RAB28: variants seen among roughly 807,000 people sequenced by gnomAD.
RAB28 encodes ras-related protein Rab-28.
Under a neutral mutation model 31.7 loss-of-function variants are expected in RAB28, and 24 were observed. That is an observed-to-expected ratio of 0.76 (90% CI 0.55 to 1.06). The LOEUF (loss-of-function observed/expected upper bound fraction) is 1.06. Ranked by LOEUF, RAB28 falls within the 50% of genes least tolerant of loss-of-function variation. The pLI is 0.00. For missense variants in RAB28, 254 were observed against 258.5 expected, an observed-to-expected ratio of 0.98 and a Z score of 0.12; for synonymous variants, 100 against 90.4, an observed-to-expected ratio of 1.11 and a Z score of -0.60.
At chr4:13,429,594 T>C (rs1372345856) in intron 4 of RAB28, among the ~76,000 whole-genome samples, 1 of 152,212 alleles carries the variant, frequency 6.6e-6, no homozygotes, top group Non-Finnish European at 1.5e-5. Flanking sequence ...GCAAATTTTA[T>C]ACTTCAAAAG....
intron 4 of RAB28, among the ~76,000 whole-genome samples, chr4:13,408,022 T>G (rs1438212870): frequency 6.6e-6 from 1 of 152,206 alleles, no homozygotes; most frequent in Non-Finnish European, 1.5e-5. Flanking sequence ...CTTGCCTGAT[T>G]GCCCTGGCCA....
chr4:13,398,510 G>A (rs1366693559), intron 4 of RAB28, among the ~76,000 whole-genome samples: 1 of 152,172 alleles, frequency 6.6e-6, no homozygotes, highest in African/African-American at 2.4e-5. Context: ...CGGGCGCGGT[G>A]GCTCACGCCT....
intron 4 of RAB28, among the ~76,000 whole-genome samples, chr4:13,450,445 T>C (rs561726692): frequency 2.0e-5 from 3 of 152,062 alleles, no homozygotes; most frequent in African/African-American, 7.2e-5. Flanking sequence ...GGATTCCCTA[T>C]ATCTACATAT....
At chr4:13,395,295 A>G (rs1357754624) in intron 4 of RAB28, among the ~76,000 whole-genome samples, 2 of 152,138 alleles carry the variant, frequency 1.3e-5, no homozygotes, top group Non-Finnish European at 2.9e-5. Flanking sequence ...ACAGAACATG[A>G]TATGCTTTGC....
At chr4:13,433,936 A>G (rs1376013423) in intron 4 of RAB28, among the ~76,000 whole-genome samples, 1 of 152,202 alleles carries the variant, frequency 6.6e-6, no homozygotes, top group Non-Finnish European at 1.5e-5. Flanking sequence ...GGTGGACTGT[A>G]TAAAGAAAAT....
intron 4 of RAB28, among the ~76,000 whole-genome samples, chr4:13,446,892 A>G (rs1714725987): frequency 6.6e-6 from 1 of 152,170 alleles, no homozygotes; most frequent in Non-Finnish European, 1.5e-5. Flanking sequence ...ATGCTTAATA[A>G]GCACCTCACA....
intron 4 of RAB28, among the ~76,000 whole-genome samples, chr4:13,444,367 C>T (rs976010435): frequency 3.9e-5 from 6 of 151,922 alleles, no homozygotes; most frequent in Admixed American, 6.6e-5. Flanking sequence ...TATTCGTGTG[C>T]GTGTGTGTAT....
At chr4:13,382,222 G>A (rs1481298303) in intron 4 of RAB28, among the ~76,000 whole-genome samples, 1 of 152,136 alleles carries the variant, frequency 6.6e-6, no homozygotes, top group African/African-American at 2.4e-5. Flanking sequence ...ATAGTTGTAG[G>A]TGCTTTAAAG....
intron 4 of RAB28, among the ~76,000 whole-genome samples, chr4:13,389,666 T>C (rs910957729): frequency 6.6e-6 from 1 of 152,150 alleles, no homozygotes; most frequent in Non-Finnish European, 1.5e-5. Context: ...TGAAGGCAAA[T>C]TGAACACATA....
chr4:13,465,754 A>AACAC lies in RAB28; in HGVS notation c.262-4930_262-4927dup, dbSNP rs33979911. On this transcript the variant is annotated intron_variant, in intron 3 of 6. Transcript: ENST00000330852. ...AGCTCAAATAACCAAGGCAATCATG[A>AACAC]ACACACACACACACACACACACACA... Among the ~76,000 whole-genome samples, 563 of 142,196 alleles carry AACAC rather than the reference A, an allele frequency of 4.0e-3. 3 individuals are homozygous for AACAC. The highest frequency in any genetic ancestry group is 7.8e-3 in the East Asian group (38 of 4,862). 93.3% of individuals were successfully genotyped at this position (142,196 alleles called of 152,430 possible). A position where few individuals can be genotyped will look rare whatever the true frequency, so the allele number is the denominator to read the frequency against.
intron 4 of RAB28, among the ~76,000 whole-genome samples, chr4:13,445,694 C>T (rs1179473485): frequency 6.6e-6 from 1 of 151,608 alleles, no homozygotes; most frequent in East Asian, 1.9e-4. Flanking sequence ...GGCTGAAGAA[C>T]AGCAAAGACT....
chr4:13,437,012 C>T (rs1266680386), intron 4 of RAB28, among the ~76,000 whole-genome samples: 1 of 152,066 alleles, frequency 6.6e-6, no homozygotes, highest in African/African-American at 2.4e-5. Context: ...AACAAATAGA[C>T]ACATAGACCA....
chr4:13,438,943 T>C (rs1007136239), intron 4 of RAB28, among the ~76,000 whole-genome samples: 1 of 152,088 alleles, frequency 6.6e-6, no homozygotes, highest in Non-Finnish European at 1.5e-5. Context: ...GCACTTGTTA[T>C]TCTATTCTTT....
chr4:13,423,873 G>A (rs1236784348), intron 4 of RAB28, among the ~76,000 whole-genome samples: 2 of 152,112 alleles, frequency 1.3e-5, no homozygotes, highest in Admixed American at 6.5e-5. Context: ...GGGGAGGGAA[G>A]GGGAGTTCTA....
At position 13,420,650 on chromosome 4, in the gene RAB28, C is replaced by T. The variant is rs1420294677; in HGVS notation, c.392-39056G>A. 2.0e-5 allele frequency among the ~76,000 whole-genome samples: 3 copies of T among 152,190 alleles called. No homozygotes were observed. In the East Asian group the frequency reaches 5.8e-4, roughly 29 times the overall value. On this transcript the variant is annotated intron_variant, in intron 4 of 6. Transcript: ENST00000330852. ...TCCATCACATAAACAGAACCAATGACAAAAACCACATGATTATCTCAATAG... is the reference window on the plus strand; with the variant it reads ...TCCATCACATAAACAGAACCAATGATAAAAACCACATGATTATCTCAATAG...
chr4:13,413,142 G>C (rs1382375754), intron 4 of RAB28, among the ~76,000 whole-genome samples: 1 of 152,116 alleles, frequency 6.6e-6, no homozygotes, highest in Non-Finnish European at 1.5e-5. Context: ...AAATCTATTT[G>C]TTTGAAAGGT....
chr4:13,440,716 C>T (rs957361008), intron 4 of RAB28, among the ~76,000 whole-genome samples: 1 of 152,128 alleles, frequency 6.6e-6, no homozygotes. Context: ...TGTTAACACC[C>T]TAATACCTAG....
Position 13,381,557 on chromosome 4 carries a change from T to C in RAB28, c.429A>G (p.Lys143=), listed in dbSNP as rs767313346. 9.9e-6 allele frequency: 16 copies of C among 1,613,190 alleles called. No individual in the cohort carries two copies. The South Asian group carries it at 1.8e-4, about 18-fold the overall frequency. The change falls in exon 5 of 7, where the codon AAA becomes AAG. Residue 143 remains lysine, a synonymous_variant. Coordinates refer to ENST00000330852, the MANE Select transcript of RAB28 (RefSeq NM_001017979.3). The stretch of plus-strand genomic sequence containing the variant: ...CATTTTCCTGGCAAAACCGTAAGTG[T>C]TTTTCAGGTTTTATTGTTCGCATAT... ...LEHMRTIKPE[K]HLRFCQENGF...
At chr4:13,469,782 G>A (rs957800719) in intron 3 of RAB28, among the ~76,000 whole-genome samples, 6 of 151,872 alleles carry the variant, frequency 4.0e-5, no homozygotes, top group African/African-American at 1.5e-4. Flanking sequence ...TCAAACTCCT[G>A]GACTCAAATA....
Sources: allele counts gnomAD v4.1 joint callset (sites outside exome capture counted in the v4.1 genomes callset), GRCh38; gene constraint gnomAD v4.1.1; transcripts MANE v1.5; gene names NCBI Gene and HGNC (gene_info 2026-07-23, HGNC 2026-07-21).